Variants in RASA1 observed in about 807,000 individuals in gnomAD.
RASA1 encodes RAS p21 protein activator 1.
RASA1 carries 25 observed loss-of-function variants against 132.2 expected under a neutral mutation model. The ratio of observed to expected loss-of-function variants is 0.19; its 90% CI spans 0.14 to 0.26. The LOEUF (loss-of-function observed/expected upper bound fraction) is 0.26, where lower values mean the gene tolerates loss of function less well. RASA1 is among the 10% of genes least tolerant of loss of function. The pLI is 1.00. For synonymous variants in RASA1, 477 were observed against 449.9 expected (o/e 1.06, Z -0.76); for missense variants, 964 against 1,299.2 (o/e 0.74, Z 3.97).
intron 1 of RASA1, among the ~76,000 whole-genome samples, chr5:87,270,091 A>G (rs941647290): frequency 6.6e-6 from 1 of 151,774 alleles, no homozygotes; most frequent in Admixed American, 6.6e-5. Flanking sequence ...AAAATACAAA[A>G]ATAAGCCGGA....
intron 9 of RASA1, among the ~76,000 whole-genome samples, chr5:87,354,172 A>G (rs925518548): frequency 7.9e-5 from 12 of 152,072 alleles, no homozygotes; most frequent in African/African-American, 2.9e-4. Flanking sequence ...CATTAATCTG[A>G]AGCTAAAGAT....
At chr5:87,350,571 A>G (rs1463269101) in intron 8 of RASA1, among the ~76,000 whole-genome samples, 1 of 151,788 alleles carries the variant, frequency 6.6e-6, no homozygotes, top group African/African-American at 2.4e-5. Flanking sequence ...AAAACTGGAA[A>G]TTCTTCCTAC....
At chr5:87,302,347 T>C (rs1481255776) in intron 1 of RASA1, among the ~76,000 whole-genome samples, 1 of 151,976 alleles carries the variant, frequency 6.6e-6, no homozygotes, top group African/African-American at 2.4e-5. Flanking sequence ...CTATAACCTC[T>C]TTCATGAAGA....
chr5:87,385,834 G>A (rs550261986), intron 22 of RASA1, among the ~76,000 whole-genome samples: 86 of 152,034 alleles, frequency 5.7e-4, no homozygotes, highest in African/African-American at 1.8e-3. Flanking sequence ...CCTAATACGT[G>A]ACAGACTTCT....
intron 1 of RASA1, among the ~76,000 whole-genome samples, chr5:87,303,844 T>TC (rs1755487812): frequency 6.6e-6 from 1 of 150,408 alleles, no homozygotes; most frequent in East Asian, 1.9e-4. Context: ...CTTGTCTTTT[T>TC]TTTTTTTTTT....
At chr5:87,337,666 T>C (rs974430444) in intron 4 of RASA1, among the ~76,000 whole-genome samples, 9 of 152,158 alleles carry the variant, frequency 5.9e-5, no homozygotes, top group African/African-American at 2.2e-4. Flanking sequence ...CTTCAATATA[T>C]GTACAATCAG....
intron 1 of RASA1, among the ~76,000 whole-genome samples, chr5:87,295,118 A>G (rs1280966903): frequency 6.6e-6 from 1 of 152,118 alleles, no homozygotes; most frequent in Non-Finnish European, 1.5e-5. Context: ...GTAACTTTCC[A>G]TGCTCTGAAG....
chr5:87,355,793 A>G (rs1759606526), intron 9 of RASA1, among the ~76,000 whole-genome samples: 1 of 152,242 alleles, frequency 6.6e-6, no homozygotes, highest in Non-Finnish European at 1.5e-5. Flanking sequence ...GCAGAGGCCA[A>G]AATAACAACA....
At chr5:87,361,303 T>G (rs752907575) in intron 9 of RASA1, among the ~76,000 whole-genome samples, 1 of 152,258 alleles carries the variant, frequency 6.6e-6, no homozygotes, top group Non-Finnish European at 1.5e-5. Context: ...CAATTCATTC[T>G]TCTATTTTCT....
At chr5:87,289,616 A>C (rs1435858490) in intron 1 of RASA1, among the ~76,000 whole-genome samples, 1 of 151,888 alleles carries the variant, frequency 6.6e-6, no homozygotes. Flanking sequence ...TTATTTTATT[A>C]TTATTATTTT....
At chr5:87,349,483 T>C in intron 8 of RASA1, 119 bp downstream of exon 8, 2 of 1,168,620 alleles carry the variant, frequency 1.7e-6, no homozygotes, top group Non-Finnish European at 2.4e-6. Flanking sequence ...TTATAAGACC[T>C]TCAATATAAT....
chr5:87,366,784 C>T (rs1352888270), intron 11 of RASA1, among the ~76,000 whole-genome samples: 1 of 152,218 alleles, frequency 6.6e-6, no homozygotes, highest in African/African-American at 2.4e-5. Flanking sequence ...GTAATCCCAG[C>T]ACTTCGGGAG....
chr5:87,374,667 C>T (rs951702326), intron 14 of RASA1, among the ~76,000 whole-genome samples, 173 bp from the exon 15 acceptor site: 8 of 151,012 alleles, frequency 5.3e-5, no homozygotes, highest in Non-Finnish European at 1.0e-4. Flanking sequence ...GTGTAATCTG[C>T]GTGTCTTCTG....
intron 1 of RASA1, among the ~76,000 whole-genome samples, chr5:87,302,601 C>T (rs964058803): frequency 3.3e-5 from 5 of 150,826 alleles, no homozygotes; most frequent in Non-Finnish European, 5.9e-5. Flanking sequence ...GTATACTATA[C>T]TGTATAGTAT....
At chr5:87,377,753 C>A (rs796272346) in intron 17 of RASA1, among the ~76,000 whole-genome samples, 8 of 152,250 alleles carry the variant, frequency 5.3e-5, no homozygotes, top group African/African-American at 1.7e-4. Flanking sequence ...CCACCCTCCC[C>A]CTGGCCCACA....
chr5:87,287,018 C>CAT (rs1385411327), intron 1 of RASA1, among the ~76,000 whole-genome samples: 2 of 140,256 alleles, frequency 1.4e-5, no homozygotes, highest in South Asian at 2.2e-4. Flanking sequence ...ATATATACAC[C>CAT]ATATATATAC....
intron 1 of RASA1, among the ~76,000 whole-genome samples, chr5:87,298,052 T>C (rs1399005031): frequency 6.6e-6 from 1 of 152,244 alleles, no homozygotes; most frequent in Non-Finnish European, 1.5e-5. Flanking sequence ...TATTGGTTTT[T>C]CAGTTTGCTT....
At chr5:87,326,574 T>C (rs1190468791) in intron 1 of RASA1, among the ~76,000 whole-genome samples, 1 of 152,182 alleles carries the variant, frequency 6.6e-6, no homozygotes, top group African/African-American at 2.4e-5. Context: ...GAGGGAGATT[T>C]ACTTTTAAAA....
chr5:87,291,436 G>C (rs1351278309), intron 1 of RASA1, among the ~76,000 whole-genome samples: 5 of 152,128 alleles, frequency 3.3e-5, no homozygotes, highest in African/African-American at 4.8e-5. Context: ...GAGACCGAGT[G>C]GGGAGGATCA....
Sources: gnomAD v4.1 joint callset for allele counts (sites outside exome capture counted in the v4.1 genomes callset) on GRCh38, gnomAD v4.1.1 for gene constraint, MANE v1.5 for transcripts, NCBI Gene and HGNC (gene_info 2026-07-23, HGNC 2026-07-21) for gene names.